Variants in QKI observed in about 807,000 individuals in gnomAD.
QKI encodes the protein QKI, KH domain containing RNA binding, also known as KH domain-containing RNA-binding protein QKI.
A neutral mutation model predicts 39.0 loss-of-function variants in QKI; 10 were observed. The observed-to-expected ratio is 0.26, with a 90% CI of 0.16 to 0.43. The LOEUF is 0.43. QKI is among the 20% of genes least tolerant of loss of function. The pLI, the probability that QKI is intolerant of heterozygous loss-of-function variation, is 1.00. For synonymous variants in QKI, 204 were observed against 155.4 expected, an observed-to-expected ratio of 1.31 and a Z score of -2.33; for missense variants, 218 against 428.0, an observed-to-expected ratio of 0.51 and a Z score of 4.33.
intron 4 of QKI, 133 bp downstream of exon 4, chr6:163,535,258 CCTGA>C: frequency 1.1e-6 from 1 of 878,008 alleles, no homozygotes; most frequent in Non-Finnish European, 1.6e-6. Flanking sequence ...ATTAAAAACA[CCTGA>C]CTGATACTTC....
chr6:163,520,726 T>G (rs1780100814), intron 3 of QKI, among the ~76,000 whole-genome samples: 2 of 152,168 alleles, frequency 1.3e-5, no homozygotes, highest in Non-Finnish European at 2.9e-5. Flanking sequence ...CATGTCAGTC[T>G]TACCCAAAGG....
chr6:163,424,299 A>G lies in QKI; in HGVS notation c.142+8964A>G, dbSNP rs4087161. Reference sequence around the variant, plus strand: ...CCGTGGTTGCAGTGATGCCATTATCATGAGAGTATTCAAGTTTTAACTCTG... The same window carrying G: ...CCGTGGTTGCAGTGATGCCATTATCGTGAGAGTATTCAAGTTTTAACTCTG... On this transcript the variant is annotated intron_variant, in intron 1 of 7. Coordinates refer to ENST00000361752, the MANE Select transcript of QKI (RefSeq NM_006775.3). Among the ~76,000 whole-genome samples the G allele has an allele frequency of 3.1e-3, 470 of 152,302 alleles. 24 individuals carry two copies. The East Asian group carries it at 0.077, about 25-fold the overall frequency.
intron 1 of QKI, among the ~76,000 whole-genome samples, chr6:163,428,472 G>A (rs1462583986): frequency 6.6e-6 from 1 of 152,106 alleles, no homozygotes; most frequent in African/African-American, 2.4e-5. Context: ...TTTACTATAT[G>A]TTATATGAAG....
chr6:163,466,157 C>T (rs890249152), intron 2 of QKI, among the ~76,000 whole-genome samples: 5 of 149,116 alleles, frequency 3.4e-5, no homozygotes, highest in African/African-American at 4.9e-5. Context: ...ATCTCATTTA[C>T]AATAGCATCG....
intron 3 of QKI, among the ~76,000 whole-genome samples, chr6:163,510,524 G>C (rs1779383785): frequency 6.6e-6 from 1 of 152,128 alleles, no homozygotes; most frequent in Non-Finnish European, 1.5e-5. Context: ...TTGTGCCACT[G>C]CACTCCAGCC....
intron 1 of QKI, among the ~76,000 whole-genome samples, chr6:163,432,243 T>C (rs79597406): frequency 0.038 from 5,861 of 152,236 alleles, 387 homozygotes; most frequent in African/African-American, 0.13. Context: ...TATCATTAAA[T>C]TGATGTTAAA....
chr6:163,529,542 TAAAA>T (rs1481214236), intron 3 of QKI, among the ~76,000 whole-genome samples: 1 of 151,494 alleles, frequency 6.6e-6, no homozygotes, highest in African/African-American at 2.4e-5. Context: ...AAAAAAGAAA[TAAAA>T]GTAAATATTA....
rs560271428 is a variant in QKI at position 163,570,993 on chromosome 6, C to T, written c.*283C>T. 4 of 295,642 alleles carry T rather than the reference C, an allele frequency of 1.4e-5. No individual in the cohort carries two copies. The highest frequency in any genetic ancestry group is 2.5e-5 in the Non-Finnish European group (4 of 161,784). 18.3% of individuals were successfully genotyped at this position (295,642 alleles called of 1,614,324 possible). ...GCCCAATTCATCCCACAGCACTGAT[C>T]ATCTTTTAATATCCCACCCTAAGCG... On this transcript the variant is annotated 3_prime_UTR_variant, in exon 8 of 8. Transcript: ENST00000361752.
In QKI at chr6:163,576,270, G is replaced by A. The variant is rs950214591; in HGVS notation, c.*5560G>A. On this transcript the variant is annotated 3_prime_UTR_variant, in exon 8 of 8. Coordinates refer to ENST00000361752, the MANE Select transcript of QKI (RefSeq NM_006775.3). ...AATCAAACTGGTTAACCTCAGCACA[G>A]TCCTCTCGTTTCTGTGTTTCTGCTG... The A allele has an allele frequency of 1.3e-5, 2 of 152,100 alleles. No homozygotes were observed. The highest frequency in any genetic ancestry group is 4.1e-4 in the South Asian group (2 of 4,820). The allele number at this position is 152,100 out of a possible 1,614,324, so 9.4% of individuals were successfully genotyped here. A position where few individuals can be genotyped will look rare whatever the true frequency, so the allele number is the denominator to read the frequency against.
At chr6:163,535,714 T>A (rs1781156465) in intron 4 of QKI, among the ~76,000 whole-genome samples, 1 of 152,086 alleles carries the variant, frequency 6.6e-6, no homozygotes, top group Non-Finnish European at 1.5e-5. Context: ...TTGGATCACC[T>A]GAGGTCAGGA....
chr6:163,575,665 A>G lies in QKI; in HGVS notation c.*4955A>G, dbSNP rs988411719. On this transcript the variant is annotated 3_prime_UTR_variant, in exon 8 of 8. Coordinates refer to ENST00000361752, the MANE Select transcript of QKI (RefSeq NM_006775.3). ...CCCTGCCCATAAAACCAGGATGTGC[A>G]TACGTACACACAATCGGTGTCTGGT... 2 of 152,226 alleles carry G rather than the reference A, an allele frequency of 1.3e-5. No homozygotes were observed. The highest frequency in any genetic ancestry group is 2.9e-5 in the Non-Finnish European group (2 of 68,030). 9.4% of individuals were successfully genotyped at this position (152,226 alleles called of 1,614,324 possible).
chr6:163,477,705 C>A (rs1238166044), intron 2 of QKI, among the ~76,000 whole-genome samples: 1 of 152,078 alleles, frequency 6.6e-6, no homozygotes, highest in Non-Finnish European at 1.5e-5. Flanking sequence ...AGACTTTCTT[C>A]GAATGATACA....
intron 4 of QKI, among the ~76,000 whole-genome samples, chr6:163,552,478 G>A (rs990715062): frequency 1.3e-5 from 2 of 152,044 alleles, no homozygotes; most frequent in South Asian, 2.1e-4. Context: ...CCGAAGTGCT[G>A]GGATTACAGG....
At chr6:163,450,051 G>A (rs1176143735) in intron 1 of QKI, among the ~76,000 whole-genome samples, 13 of 151,376 alleles carry the variant, frequency 8.6e-5, no homozygotes, top group African/African-American at 3.2e-4. Context: ...GTATATATGT[G>A]TATATATATA....
chr6:163,414,870 A>AGCCCGCGCCCCGC lies in QKI; in HGVS notation c.-317_-305dup, dbSNP rs1367126210. On this transcript the variant is annotated 5_prime_UTR_variant, in exon 1 of 8. Coordinates refer to ENST00000361752, the MANE Select transcript of QKI (RefSeq NM_006775.3). ...CGGCTCCTCCTCGTCCGGCGCCAGCAGCCCGCGCCCCGCGCCCGCACTCGG... is the reference window on the plus strand; with the variant it reads ...CGGCTCCTCCTCGTCCGGCGCCAGCAGCCCGCGCCCCGCGCCCGCGCCCCGCGCCCGCACTCGG... The AGCCCGCGCCCCGC allele has an allele frequency of 1.4e-5, 2 of 143,018 alleles. No individual in the cohort carries two copies. The highest frequency in any genetic ancestry group is 2.1e-4 in the East Asian group (1 of 4,674). The allele number at this position is 143,018 out of a possible 1,614,324, so 8.9% of individuals were successfully genotyped here.
chr6:163,531,080 T>A (rs142313254), intron 3 of QKI, among the ~76,000 whole-genome samples: 6 of 152,190 alleles, frequency 3.9e-5, no homozygotes, highest in Non-Finnish European at 8.8e-5. Flanking sequence ...TCTTCCAACC[T>A]TCTATCAAAT....
In QKI at chr6:163,498,820, T is replaced by C. The variant is rs544810588; in HGVS notation, c.402+19924T>C. ...TTTTATTTTTCCATTGCCTTTGATA[T>C]CATATGAATTTAGTTATACAGATGG... On this transcript the variant is annotated intron_variant, in intron 3 of 7. Transcript: ENST00000361752. Among the ~76,000 whole-genome samples the C allele has an allele frequency of 1.5e-4, 23 of 152,278 alleles. 1 individual carries two copies. In the South Asian group the frequency reaches 4.8e-3, roughly 32 times the overall value.
chr6:163,537,832 CCT>C (rs992291369), intron 4 of QKI, among the ~76,000 whole-genome samples: 1 of 152,136 alleles, frequency 6.6e-6, no homozygotes, highest in Admixed American at 6.6e-5. Flanking sequence ...TCTTCTGGGG[CCT>C]CTCAAACCCA....
At chr6:163,543,115 G>GT (rs1435991668) in intron 4 of QKI, among the ~76,000 whole-genome samples, 2 of 152,016 alleles carry the variant, frequency 1.3e-5, no homozygotes, top group African/African-American at 4.8e-5. Flanking sequence ...GAATGAGAAG[G>GT]TAACAGACAT....
Sources: gnomAD v4.1 joint callset for allele counts (sites outside exome capture counted in the v4.1 genomes callset) on GRCh38, gnomAD v4.1.1 for gene constraint, MANE v1.5 for transcripts, NCBI Gene and HGNC (gene_info 2026-07-23, HGNC 2026-07-21) for gene names.